PRR23B: variants seen among roughly 807,000 people sequenced by gnomAD.
The protein encoded by PRR23B is proline-rich protein 23B.
For synonymous variants in PRR23B, 157 were observed against 168.0 expected, an observed-to-expected ratio of 0.93 and a Z score of 0.51; for missense variants, 375 against 371.7, an observed-to-expected ratio of 1.01 and a Z score of -0.07.
Position 139,020,650 on chromosome 3 carries a change from C to T in PRR23B, c.12G>A (p.Arg4=). 1 of 1,526,596 alleles carries T rather than the reference C, an allele frequency of 6.6e-7. No homozygotes were observed. Among genetic ancestry groups the T allele is most frequent in the Non-Finnish European group, 8.7e-7 (1 of 1,145,596 alleles). The allele number at this position is 1,526,596 out of a possible 1,614,324, so 94.6% of individuals were successfully genotyped here. Residue 4 remains arginine, a synonymous_variant, in exon 1 of 1, where the codon CGG becomes CGA. Coordinates refer to ENST00000329447, the MANE Select transcript of PRR23B (RefSeq NM_001013650.2). ...CAGGGAAGGCGCTGGGGCTGCGGGGCCGGCTGACCATCGCCTCGACGGCGC... is the reference window on the plus strand; with the variant it reads ...CAGGGAAGGCGCTGGGGCTGCGGGGTCGGCTGACCATCGCCTCGACGGCGC... The part of the protein sequence containing the change: MVS[R]PRSPSAFPAP...
In PRR23B at chr3:139,020,095, G is replaced by A. The variant is rs1291896796; in HGVS notation, c.567C>T (p.Tyr189=). Residue 189 remains tyrosine, a synonymous_variant, in exon 1 of 1, where the codon TAC becomes TAT. Coordinates refer to ENST00000329447, the MANE Select transcript of PRR23B (RefSeq NM_001013650.2). ...AGGGTTCTGGGATGGGGCCCTCCCG[G>A]TAGGGGATGAACATACTTCTAGAGG... is the stretch of plus-strand genomic sequence containing the variant. ...YPSSRSMFIP[Y]REGPIPEPCA... 1 of 1,614,078 alleles carries A rather than the reference G, an allele frequency of 6.2e-7. No homozygotes were observed. The highest frequency in any genetic ancestry group is 1.1e-5 in the South Asian group (1 of 91,062).
Position 139,020,274 on chromosome 3 carries a change from C to T in PRR23B, c.388G>A (p.Ala130Thr), listed in dbSNP as rs761341911. 13 of 1,614,092 alleles carry T rather than the reference C, an allele frequency of 8.1e-6. No homozygotes were observed. The highest frequency in any genetic ancestry group is 1.0e-5 in the Non-Finnish European group (12 of 1,180,014). ...TCGACGACGACGTCCTCCCTGACAG[C>T]GCCCAGGAAAACGTCCACTTCCAGC... ...AGLEVDVFLG[A>T]VREDVVVELE... The change falls in exon 1 of 1, where the codon GCT (alanine) becomes ACT (threonine). Residue 130 changes from alanine to threonine, a missense_variant. Transcript: ENST00000329447.
rs533795033 is a variant in PRR23B at position 139,020,658 on chromosome 3, C to A, written c.4G>T (p.Val2Phe). The A allele has an allele frequency of 6.7e-5, 101 of 1,515,486 alleles. No individual in the cohort carries two copies. The highest frequency in any genetic ancestry group is 8.7e-5 in the Non-Finnish European group (99 of 1,140,918). 93.9% of individuals were successfully genotyped at this position (1,515,486 alleles called of 1,614,324 possible). A position where few individuals can be genotyped will look rare whatever the true frequency, so the allele number is the denominator to read the frequency against. M[V>F]SRPRSPSAFP... ...GCGCTGGGGCTGCGGGGCCGGCTGA[C>A]CATCGCCTCGACGGCGCTGTGGACG... Residue 2 changes from valine (V) to phenylalanine (F), a missense_variant, in exon 1 of 1, where the codon GTC (valine) becomes TTC (phenylalanine). By Grantham distance (50) the Val-to-Phe change is conservative. Coordinates refer to ENST00000329447, the MANE Select transcript of PRR23B (RefSeq NM_001013650.2).
chr3:139,020,520 G>C lies in PRR23B; in HGVS notation c.142C>G (p.Pro48Ala). ...EPRAAPSLED[P>A]AGDPAVDALT... ...GCGTCCACGGCCGGGTCCCCCGCCG[G>C]GTCTTCCAGGCTGGGTGCCGCGCGG... The change falls in exon 1 of 1, where the codon CCG (proline) becomes GCG (alanine). Residue 48 changes from proline (P) to alanine (A), a missense_variant. Physicochemically the swap from Pro to Ala is conservative, Grantham distance 27 (BLOSUM62 -1). Transcript: ENST00000329447. 6.4e-7 allele frequency: 1 copy of C among 1,569,602 alleles called. No individual in the cohort carries two copies. The highest frequency in any genetic ancestry group is 8.6e-7 in the Non-Finnish European group (1 of 1,160,456).
Position 139,019,654 on chromosome 3 carries a change from T to C in PRR23B, c.*210A>G. Reference sequence around the variant, plus strand: ...ACATTTTCTGGTATCCTTGCGCAGATTTTCTATTTAAAGATGAGGTCTAGA... The same window carrying C: ...ACATTTTCTGGTATCCTTGCGCAGACTTTCTATTTAAAGATGAGGTCTAGA... On this transcript the variant is annotated 3_prime_UTR_variant, in exon 1 of 1. Transcript: ENST00000329447. The C allele has an allele frequency of 2.1e-6, 1 of 478,186 alleles. No homozygotes were observed. Among genetic ancestry groups the C allele is most frequent in the Non-Finnish European group, 3.6e-6 (1 of 278,346 alleles). 29.6% of individuals were successfully genotyped at this position (478,186 alleles called of 1,614,324 possible).
chr3:139,020,111 C>A lies in PRR23B; in HGVS notation c.551G>T (p.Ser184Ile), dbSNP rs1206483691. 1 of 1,614,052 alleles carries A rather than the reference C, an allele frequency of 6.2e-7. No homozygotes were observed. The highest frequency in any genetic ancestry group is 1.1e-5 in the South Asian group (1 of 91,060). The change falls in exon 1 of 1, where the codon AGT becomes ATT. Residue 184 changes from serine (S) to isoleucine (I), a missense_variant. Coordinates refer to ENST00000329447, the MANE Select transcript of PRR23B (RefSeq NM_001013650.2). Reference protein sequence around the residue: ...SAAGLYPSSRSMFIPYREGPI... With the variant: ...SAAGLYPSSRIMFIPYREGPI... ...GCCCTCCCGGTAGGGGATGAACATACTTCTAGAGGAGGGGTAGAGCCCAGC... is the reference window on the plus strand; with the variant it reads ...GCCCTCCCGGTAGGGGATGAACATAATTCTAGAGGAGGGGTAGAGCCCAGC...
Position 139,019,915 on chromosome 3 carries a change from C to A in PRR23B, c.747G>T (p.Pro249=). The change falls in exon 1 of 1, where the codon CCG becomes CCT. Residue 249 remains proline (P), a synonymous_variant. Transcript: ENST00000329447. Reference sequence around the variant, plus strand: ...CCTTGCACGGAGGGCGTTCCGGGAGCGGCGAGCGCGCGTGGGGACCTGGAC... The same window carrying A: ...CCTTGCACGGAGGGCGTTCCGGGAGAGGCGAGCGCGCGTGGGGACCTGGAC... The part of the protein sequence containing the change: ...VGSPGPHARS[P]LPERPPCKAR... The A allele has an allele frequency of 6.2e-7, 1 of 1,605,454 alleles. No homozygotes were observed. The highest frequency in any genetic ancestry group is 1.7e-5 in the Admixed American group (1 of 59,136).
At position 139,019,499 on chromosome 3, in the gene PRR23B, T is replaced by G; in HGVS notation, c.*365A>C. Reference sequence around the variant, plus strand: ...CGTAAGAGATCTGGTGATTTCTTGGTTTGGGGAGAAACGGGAGTGGCAGTA... The same window carrying G: ...CGTAAGAGATCTGGTGATTTCTTGGGTTGGGGAGAAACGGGAGTGGCAGTA... On this transcript the variant is annotated 3_prime_UTR_variant, in exon 1 of 1. Transcript: ENST00000329447. 1.1e-5 allele frequency: 2 copies of G among 176,346 alleles called. No homozygotes were observed. The highest frequency in any genetic ancestry group is 1.2e-5 in the Non-Finnish European group (1 of 84,402). The allele number at this position is 176,346 out of a possible 1,614,324, so 10.9% of individuals were successfully genotyped here.
Position 139,020,119 on chromosome 3 carries a change from G to A in PRR23B, c.543C>T (p.Ser181=). The part of the protein sequence containing the change: ...PTGSAAGLYP[S]SRSMFIPYRE... ...GGTAGGGGATGAACATACTTCTAGA[G>A]GAGGGGTAGAGCCCAGCGGCTGAGC... Residue 181 remains serine, a synonymous_variant, in exon 1 of 1, where the codon TCC becomes TCT. Coordinates refer to ENST00000329447, the MANE Select transcript of PRR23B (RefSeq NM_001013650.2). 2 of 1,613,330 alleles carry A rather than the reference G, an allele frequency of 1.2e-6. No individual in the cohort carries two copies. The highest frequency in any genetic ancestry group is 1.7e-6 in the Non-Finnish European group (2 of 1,179,996).
Position 139,020,793 on chromosome 3 carries a change from C to A in PRR23B, c.-132G>T, listed in dbSNP as rs2107769189. The A allele has an allele frequency of 8.5e-7, 1 of 1,176,526 alleles. No individual in the cohort carries two copies. The highest frequency in any genetic ancestry group is 1.1e-6 in the Non-Finnish European group (1 of 873,494). The allele number at this position is 1,176,526 out of a possible 1,614,324, so 72.9% of individuals were successfully genotyped here. ...GGTTGGGACGAGCGGGGCGCAGGAC[C>A]GCGCGACGCGGGGCGAGTCCTCGGA... On this transcript the variant is annotated 5_prime_UTR_variant, in exon 1 of 1. Transcript: ENST00000329447.
chr3:139,020,286 C>T lies in PRR23B; in HGVS notation c.376G>A (p.Val126Ile), dbSNP rs553691941. Residue 126 changes from valine (V) to isoleucine (I), a missense_variant, in exon 1 of 1, where the codon GTT becomes ATT. Physicochemically the swap from Val to Ile is conservative, Grantham distance 29 (BLOSUM62 3). Coordinates refer to ENST00000329447, the MANE Select transcript of PRR23B (RefSeq NM_001013650.2). ...HDSSAGLEVD[V>I]FLGAVREDVV... ...TCCTCCCTGACAGCGCCCAGGAAAA[C>T]GTCCACTTCCAGCCCGGCAGACGAG... is the stretch of plus-strand genomic sequence containing the variant. 6.2e-7 allele frequency: 1 copy of T among 1,614,098 alleles called. No homozygotes were observed. The highest frequency in any genetic ancestry group is 1.7e-5 in the Admixed American group (1 of 60,024).
Position 139,020,561 on chromosome 3 carries a change from G to A in PRR23B, c.101C>T (p.Pro34Leu), listed in dbSNP as rs1936939043. The A allele has an allele frequency of 3.9e-6, 6 of 1,551,702 alleles. No individual in the cohort carries two copies. Among genetic ancestry groups the A allele is most frequent in the Non-Finnish European group, 4.3e-6 (5 of 1,152,130 alleles). ...GPAKRLRLEEPAGPEPRAAPS... is the reference protein window; with the variant it reads ...GPAKRLRLEELAGPEPRAAPS... Reference sequence around the variant, plus strand: ...TGCCGCGCGGGGTTCGGGGCCCGCGGGCTCCTCCAATCGGAGGCGCTTGGC... The same window carrying A: ...TGCCGCGCGGGGTTCGGGGCCCGCGAGCTCCTCCAATCGGAGGCGCTTGGC... The change falls in exon 1 of 1, where the codon CCC becomes CTC. Residue 34 changes from proline to leucine, a missense_variant. Transcript: ENST00000329447.
At position 139,019,871 on chromosome 3, in the gene PRR23B, T is replaced by C. The variant is rs371498520; in HGVS notation, c.791A>G (p.Gln264Arg). The C allele has an allele frequency of 6.3e-7, 1 of 1,591,030 alleles. No individual in the cohort carries two copies. The change falls in exon 1 of 1, where the codon CAG (glutamine) becomes CGG (arginine). Residue 264 changes from glutamine to arginine, a missense_variant. Gln to Arg is a conservative substitution (Grantham distance 43, BLOSUM62 1). Transcript: ENST00000329447. ...GTACGTGGGGGTGGGGGTCTATGCC[T>C]GGAACAGGCGTCTCCGGGCCTTGCA... is the stretch of plus-strand genomic sequence containing the variant. ...PPCKARRRLF[Q>R]A
chr3:139,020,025 G>A lies in PRR23B; in HGVS notation c.637C>T (p.Pro213Ser). 4 of 1,614,138 alleles carry A rather than the reference G, an allele frequency of 2.5e-6. No individual in the cohort carries two copies. The highest frequency in any genetic ancestry group is 3.4e-6 in the Non-Finnish European group (4 of 1,180,028). ...AGGCGGAATTCCAGGTCAAAGATGG[G>A]GCGTGGAGAACGTCTCTCTGAACTG... ...NPSSERRSPR[P>S]IFDLEFRLLE... is the part of the protein sequence containing the mutation. Residue 213 changes from proline (P) to serine (S), a missense_variant, in exon 1 of 1, where the codon CCC (proline) becomes TCC (serine). Pro to Ser is a moderately conservative substitution (Grantham distance 74). Coordinates refer to ENST00000329447, the MANE Select transcript of PRR23B (RefSeq NM_001013650.2).
Position 139,019,263 on chromosome 3 carries a change from G to A in PRR23B, c.*601C>T, listed in dbSNP as rs2107768408. 1 of 152,244 alleles carries A rather than the reference G, an allele frequency of 6.6e-6. No homozygotes were observed. The highest frequency in any genetic ancestry group is 2.1e-4 in the South Asian group (1 of 4,814). 9.4% of individuals were successfully genotyped at this position (152,244 alleles called of 1,614,324 possible). A position where few individuals can be genotyped will look rare whatever the true frequency, so the allele number is the denominator to read the frequency against. On this transcript the variant is annotated 3_prime_UTR_variant, in exon 1 of 1. Coordinates refer to ENST00000329447, the MANE Select transcript of PRR23B (RefSeq NM_001013650.2). ...AACACAATGCATGCTGAAAACATCT[G>A]ATAAAATTCAACACAAATTTTCATT...
chr3:139,019,994 T>C lies in PRR23B; in HGVS notation c.668A>G (p.Glu223Gly), dbSNP rs1212309236. 4 of 1,613,852 alleles carry C rather than the reference T, an allele frequency of 2.5e-6. No homozygotes were observed. Among genetic ancestry groups the C allele is most frequent in the Non-Finnish European group, 3.4e-6 (4 of 1,179,994 alleles). ...TTGGAGAGGTGAGCTGGGGACAGGC[T>C]CCAGAAGGCGGAATTCCAGGTCAAA... The part of the protein sequence containing the change: ...PIFDLEFRLL[E>G]PVPSSPLQPL... Residue 223 changes from glutamate to glycine, a missense_variant, in exon 1 of 1, where the codon GAG becomes GGG. Coordinates refer to ENST00000329447, the MANE Select transcript of PRR23B (RefSeq NM_001013650.2).
chr3:139,019,337 G>T lies in PRR23B; in HGVS notation c.*527C>A, dbSNP rs1268495410. The T allele has an allele frequency of 6.6e-6, 1 of 152,206 alleles. No homozygotes were observed. The highest frequency in any genetic ancestry group is 2.4e-5 in the African/African-American group (1 of 41,444). 9.4% of individuals were successfully genotyped at this position (152,206 alleles called of 1,614,324 possible). A position where few individuals can be genotyped will look rare whatever the true frequency, so the allele number is the denominator to read the frequency against. Reference sequence around the variant, plus strand: ...ACTTCAGCAGGATAAGGGGTTCCTAGGAAGAAGCAACATACAGTCTTGTAT... The same window carrying T: ...ACTTCAGCAGGATAAGGGGTTCCTATGAAGAAGCAACATACAGTCTTGTAT... On this transcript the variant is annotated 3_prime_UTR_variant, in exon 1 of 1. Transcript: ENST00000329447.
chr3:139,019,573 G>A lies in PRR23B; in HGVS notation c.*291C>T. On this transcript the variant is annotated 3_prime_UTR_variant, in exon 1 of 1. Transcript: ENST00000329447. ...TTGAGAGAAACAACTGATGCAAAAC[G>A]AGGGAGAATGAAGGGATCTGAATAT... The A allele has an allele frequency of 3.5e-6, 1 of 284,120 alleles. No homozygotes were observed. Among genetic ancestry groups the A allele is most frequent in the East Asian group, 6.1e-5 (1 of 16,386 alleles). 17.6% of individuals were successfully genotyped at this position (284,120 alleles called of 1,614,324 possible).
Position 139,019,729 on chromosome 3 carries a change from A to C in PRR23B, c.*135T>G. 1 of 786,614 alleles carries C rather than the reference A, an allele frequency of 1.3e-6. No homozygotes were observed. The highest frequency in any genetic ancestry group is 2.0e-6 in the Non-Finnish European group (1 of 503,148). The allele number at this position is 786,614 out of a possible 1,614,324, so 48.7% of individuals were successfully genotyped here. A position where few individuals can be genotyped will look rare whatever the true frequency, so the allele number is the denominator to read the frequency against. ...TCATCTCCTACTATCGGTAGTGTGCAGCGAAAAAGCAATTGTCCGAACACG... is the reference window on the plus strand; with the variant it reads ...TCATCTCCTACTATCGGTAGTGTGCCGCGAAAAAGCAATTGTCCGAACACG... On this transcript the variant is annotated 3_prime_UTR_variant, in exon 1 of 1. Transcript: ENST00000329447.
Sources: gnomAD v4.1 joint callset for allele counts on GRCh38, gnomAD v4.1.1 for gene constraint, MANE v1.5 for transcripts, NCBI Gene and HGNC (gene_info 2026-07-23, HGNC 2026-07-21) for gene names.